CUL2: variants seen among roughly 807,000 people sequenced by gnomAD.
The protein encoded by CUL2 is cullin 2, also known as cullin-2.
Under a neutral mutation model 110.2 loss-of-function variants are expected in CUL2, and 22 were observed. That is an observed-to-expected ratio of 0.20 (90% CI 0.14 to 0.28). CUL2 has a LOEUF of 0.28. Among genes scored for constraint, CUL2 ranks in the 10% least tolerant of loss-of-function variants. The probability of loss-of-function intolerance (pLI) is 1.00; values close to 1 mark genes in which losing one functional copy is unlikely to be tolerated. For missense variants in CUL2, 631 were observed against 905.5 expected, an observed-to-expected ratio of 0.70 and a Z score of 3.89; for synonymous variants, 279 against 293.2, an observed-to-expected ratio of 0.95 and a Z score of 0.49.
chr10:35,084,500 C>T (rs1405564266), intron 1 of CUL2, among the ~76,000 whole-genome samples: 1 of 152,054 alleles, frequency 6.6e-6, no homozygotes, highest in Non-Finnish European at 1.5e-5. Flanking sequence ...TAAGCCTTTC[C>T]CAATGAAAAG....
intron 2 of CUL2, among the ~76,000 whole-genome samples, chr10:35,069,703 CAAT>C (rs2086633145): frequency 6.6e-6 from 1 of 152,158 alleles, no homozygotes; most frequent in African/African-American, 2.4e-5. Context: ...CGATTCTGTA[CAAT>C]GATGAAGAAC....
At chr10:35,111,943 T>C (rs557480876) in intron 1 of CUL2, among the ~76,000 whole-genome samples, 1 of 152,358 alleles carries the variant, frequency 6.6e-6, no homozygotes, top group South Asian at 2.1e-4. Context: ...CATAGCCTAC[T>C]GTCCAGAGAT....
intron 1 of CUL2, among the ~76,000 whole-genome samples, chr10:35,075,197 G>T (rs922628333): frequency 1.3e-5 from 2 of 152,122 alleles, no homozygotes; most frequent in African/African-American, 4.8e-5. Flanking sequence ...CACCAGCCTC[G>T]TGAAACACAC....
At chr10:35,035,953 G>A (rs1564710777) in intron 9 of CUL2, among the ~76,000 whole-genome samples, 1 of 152,134 alleles carries the variant, frequency 6.6e-6, no homozygotes, top group Non-Finnish European at 1.5e-5. Context: ...AATTTTAAAC[G>A]TTTCATTAAA....
rs2085492908 is a variant in CUL2 at position 35,032,037 on chromosome 10, C to T, written c.1170+398G>A. ...GTAATACAAATTTTTAAAAGAACAC[C>T]TAGGTGAGTTTCGAGTGGTTTTATA... On this transcript the variant is annotated intron_variant, in intron 12 of 20. Transcript: ENST00000374749. 5.9e-5 allele frequency among the ~76,000 whole-genome samples: 9 copies of T among 151,912 alleles called. No individual in the cohort carries two copies. The South Asian group carries it at 1.9e-3, about 31-fold the overall frequency.
chr10:35,048,090 T>C (rs1010800302), intron 6 of CUL2, among the ~76,000 whole-genome samples: 5 of 152,244 alleles, frequency 3.3e-5, no homozygotes, highest in Non-Finnish European at 5.9e-5. Flanking sequence ...GTATTAGCCT[T>C]CCAGTGTTGT....
chr10:35,032,501 A>G lies in CUL2; in HGVS notation c.1111-7T>C, dbSNP rs781594491. On this transcript the variant is annotated splice_polypyrimidine_tract_variant and splice_region_variant and intron_variant, in intron 11 of 20. Transcript: ENST00000374749. ...TTACAACTGACGTAAGGGCCTGAAT[A>G]AAAAAACACGCCATAATTAACCACC... is the stretch of plus-strand genomic sequence containing the variant. The G allele has an allele frequency of 1.9e-6, 3 of 1,581,300 alleles. No homozygotes were observed. The highest frequency in any genetic ancestry group is 1.4e-5 in the African/African-American group (1 of 73,070).
chr10:35,108,408 G>A (rs1287114516), intron 1 of CUL2, among the ~76,000 whole-genome samples: 1 of 147,574 alleles, frequency 6.8e-6, no homozygotes, highest in Non-Finnish European at 1.5e-5. Flanking sequence ...AGTGAGCCAA[G>A]ATCACACCAC....
At chr10:35,017,545 T>A (rs1048235177) in intron 17 of CUL2, among the ~76,000 whole-genome samples, 2 of 151,912 alleles carry the variant, frequency 1.3e-5, no homozygotes, top group African/African-American at 4.8e-5. Context: ...AATACAAAAA[T>A]TCGCCGGGCA....
chr10:35,088,591 T>C (rs1432820973), intron 1 of CUL2, among the ~76,000 whole-genome samples: 1 of 150,480 alleles, frequency 6.6e-6, no homozygotes, highest in Non-Finnish European at 1.5e-5. Flanking sequence ...ATAAACCAGG[T>C]GCTTAATAAA....
intron 4 of CUL2, among the ~76,000 whole-genome samples, chr10:35,057,796 T>G (rs34087268): frequency 0.29 from 44,275 of 150,288 alleles, 6,934 homozygotes; most frequent in South Asian, 0.35. Context: ...CATATTTGCT[T>G]CTTAATAAAG....
intron 1 of CUL2, among the ~76,000 whole-genome samples, chr10:35,085,696 CAAAAAAAAAAA>C (rs1263412257): frequency 1.8e-5 from 1 of 55,786 alleles, no homozygotes; most frequent in Non-Finnish European, 4.0e-5. Flanking sequence ...GACTCTGTCT[CAAAAAAAAAAA>C]AAAAAAAAAA....
intron 9 of CUL2, among the ~76,000 whole-genome samples, chr10:35,036,529 C>T (rs1399198727): frequency 6.6e-6 from 1 of 152,168 alleles, no homozygotes; most frequent in Non-Finnish European, 1.5e-5. Context: ...CGGTCAGTGC[C>T]AGTTTCCCAA....
intron 3 of CUL2, 88 bp from the exon 4 acceptor site, chr10:35,061,056 A>C (rs1247852578): frequency 7.4e-7 from 1 of 1,342,488 alleles, no homozygotes; most frequent in Non-Finnish European, 1.0e-6. Context: ...AATGTTCTAA[A>C]ATAATTTACA....
chr10:35,062,826 G>A (rs1444937292), intron 3 of CUL2, 134 bp downstream of exon 3: 1 of 601,646 alleles, frequency 1.7e-6, no homozygotes, highest in Non-Finnish European at 2.9e-6. Flanking sequence ...AACAGAGCAA[G>A]ACCCTGTATT....
intron 2 of CUL2, among the ~76,000 whole-genome samples, chr10:35,065,485 G>A (rs1488163041): frequency 6.6e-6 from 1 of 152,144 alleles, no homozygotes; most frequent in Admixed American, 6.5e-5. Flanking sequence ...CCGGCGTGGT[G>A]ACAGGTGCCT....
At chr10:35,093,700 AATT>A (rs1259979717), upstream of CUL2, among the ~76,000 whole-genome samples, 1 of 150,836 alleles carries the variant, frequency 6.6e-6, no homozygotes, top group Non-Finnish European at 1.5e-5. Flanking sequence ...AAGAAGAAGA[AATT>A]ACCACTTGTT....
At chr10:35,085,299 G>A (rs1331168478) in intron 1 of CUL2, among the ~76,000 whole-genome samples, 3 of 151,042 alleles carry the variant, frequency 2.0e-5, no homozygotes, top group East Asian at 2.0e-4. Flanking sequence ...GCATGGTGGC[G>A]GCTGCCTGTA....
chr10:35,071,106 T>C (rs2086665492), intron 2 of CUL2, 93 bp downstream of exon 2: 2 of 1,244,370 alleles, frequency 1.6e-6, no homozygotes, highest in East Asian at 2.3e-5. Flanking sequence ...AATAGTTACA[T>C]GGGAAAGTTC....
Sources: gnomAD v4.1 joint callset for allele counts (sites outside exome capture counted in the v4.1 genomes callset) on GRCh38, gnomAD v4.1.1 for gene constraint, MANE v1.5 for transcripts, NCBI Gene and HGNC (gene_info 2026-07-23, HGNC 2026-07-21) for gene names.